The following GNA15 variants were observed in gnomAD, a reference collection of about 807,000 sequenced individuals.
GNA15 encodes the protein guanine nucleotide-binding protein subunit alpha-15.
A neutral mutation model predicts 40.1 loss-of-function variants in GNA15; 23 were observed. That is an observed-to-expected ratio of 0.57 (90% confidence interval 0.41 to 0.81). GNA15 has a LOEUF of 0.81. Ranked by LOEUF, GNA15 falls within the 40% of genes least tolerant of loss-of-function variation. The pLI is 0.00. For missense variants in GNA15, 522 were observed against 515.8 expected, an observed-to-expected ratio of 1.01 and a Z score of -0.12; for synonymous variants, 226 against 210.4, an observed-to-expected ratio of 1.07 and a Z score of -0.64.
intron 4 of GNA15, among the ~76,000 whole-genome samples, chr19:3,152,195 G>A (rs552719325): frequency 6.6e-6 from 1 of 152,174 alleles, no homozygotes; most frequent in Non-Finnish European, 1.5e-5. Context: ...GGGAGGCCTG[G>A]TCTGGGGAGC....
At chr19:3,148,446 T>G in intron 1 of GNA15, 145 bp from the exon 2 acceptor site, 1 of 728,952 alleles carries the variant, frequency 1.4e-6, no homozygotes. Flanking sequence ...GCCGCTAGCC[T>G]AGGGTCACTG....
intron 1 of GNA15, among the ~76,000 whole-genome samples, chr19:3,143,985 A>G (rs1023078139): frequency 7.2e-5 from 11 of 152,080 alleles, no homozygotes; most frequent in South Asian, 4.2e-4. Flanking sequence ...TTAGCTGGGC[A>G]TGGTGGTGGG....
rs1297715098 is a variant in GNA15 at position 3,148,598 on chromosome 19, C to A, written c.153C>A (p.Gly51=). The A allele has an allele frequency of 1.3e-6, 2 of 1,575,256 alleles. No individual in the cohort carries two copies. The highest frequency in any genetic ancestry group is 1.7e-6 in the Non-Finnish European group (2 of 1,160,210). The change falls in exon 2 of 7, where the codon GGC becomes GGA. Residue 51 remains glycine (G), a synonymous_variant. Coordinates refer to ENST00000262958, the MANE Select transcript of GNA15 (RefSeq NM_002068.4). The stretch of plus-strand genomic sequence containing the variant: ...CTGCTGCTCCATCCCCAGGCCCAGG[C>A]GAGAGCGGGAAGAGCACCTTCATCA... ...GELKLLLLGP[G]ESGKSTFIKQ... is the part of the protein sequence containing the mutation.
Position 3,151,925 on chromosome 19 carries a change from A to G in GNA15, c.614+90A>G. 1.0e-6 allele frequency: 1 copy of G among 956,174 alleles called. No homozygotes were observed. The highest frequency in any genetic ancestry group is 1.5e-6 in the Non-Finnish European group (1 of 655,268). The allele number at this position is 956,174 out of a possible 1,614,324, so 59.2% of individuals were successfully genotyped here. ...GCTGGGGCCCTGAGGGATGAGTAGG[A>G]GTTTCTTAGGCCCAGCCTTCAAGGA... On this transcript the variant is annotated intron_variant, in intron 4 of 6. Transcript: ENST00000262958. The surrounding 1 kb of genome is among the most constrained non-coding windows in gnomAD (Gnocchi z 5.0).
chr19:3,158,472 G>T (rs1490570532), intron 6 of GNA15, among the ~76,000 whole-genome samples: 1 of 151,970 alleles, frequency 6.6e-6, no homozygotes, highest in Non-Finnish European at 1.5e-5. Flanking sequence ...TTTTATGCTT[G>T]TTGGCCAACA....
At chr19:3,145,835 A>T (rs1226272594) in intron 1 of GNA15, among the ~76,000 whole-genome samples, 1 of 151,400 alleles carries the variant, frequency 6.6e-6, no homozygotes, top group African/African-American at 2.4e-5. Context: ...GGCGTGAGCC[A>T]CTGTGCCCAG....
chr19:3,144,271 G>C (rs1403140285), intron 1 of GNA15, among the ~76,000 whole-genome samples: 2 of 152,048 alleles, frequency 1.3e-5, no homozygotes, highest in Non-Finnish European at 2.9e-5. Context: ...AATAGCCAAA[G>C]CTCCAAAAAC....
At chr19:3,152,019 C>T (rs563204128) in intron 4 of GNA15, among the ~76,000 whole-genome samples, 184 bp downstream of exon 4, 1 of 152,154 alleles carries the variant, frequency 6.6e-6, no homozygotes, top group Non-Finnish European at 1.5e-5. Context: ...AGGACTGGGA[C>T]CTGTAGGAGC....
Position 3,148,724 on chromosome 19 carries a change from G to A in GNA15, c.279G>A (p.Met93Ile). ...YQNIFVSMRA[M>I]IEAMERLQIP... The stretch of plus-strand genomic sequence containing the variant: ...ACATCTTCGTGTCCATGCGGGCCAT[G>A]ATCGAGGCCATGGAGCGGCTGCAGA... The change falls in exon 2 of 7, where the codon ATG becomes ATA. Residue 93 changes from methionine to isoleucine, a missense_variant. Transcript: ENST00000262958. The A allele has an allele frequency of 6.2e-7, 1 of 1,603,996 alleles. No homozygotes were observed. Among genetic ancestry groups the A allele is most frequent in the Non-Finnish European group, 8.5e-7 (1 of 1,175,728 alleles).
intron 1 of GNA15, among the ~76,000 whole-genome samples, chr19:3,138,026 C>T (rs369359089): frequency 2.0e-5 from 3 of 152,054 alleles, no homozygotes; most frequent in South Asian, 2.1e-4. Flanking sequence ...CACTTTGGGA[C>T]GCCAAGGCGG....
At chr19:3,148,908 C>CTGGGGACCCTT in intron 2 of GNA15, 133 bp downstream of exon 2, 1 of 854,802 alleles carries the variant, frequency 1.2e-6, no homozygotes, top group Non-Finnish European at 1.8e-6. Flanking sequence ...AGGGAAGGGT[C>CTGGGGACCCTT]CCCAGACCCT....
chr19:3,157,953 C>T (rs1915068718), intron 6 of GNA15, 72 bp downstream of exon 6: 1 of 1,240,772 alleles, frequency 8.1e-7, no homozygotes, highest in African/African-American at 1.5e-5. Context: ...CTAATCCAGA[C>T]TCTACTTCAG....
intron 1 of GNA15, among the ~76,000 whole-genome samples, chr19:3,144,299 T>C (rs1914647019): frequency 6.6e-6 from 1 of 152,056 alleles, no homozygotes; most frequent in Non-Finnish European, 1.5e-5. Context: ...TCCCCCATAG[T>C]GTCTCCATGA....
chr19:3,155,913 G>A lies in GNA15; in HGVS notation c.705G>A (p.Leu235=). 5 of 1,613,918 alleles carry A rather than the reference G, an allele frequency of 3.1e-6. No homozygotes were observed. Among genetic ancestry groups the A allele is most frequent in the Non-Finnish European group, 4.2e-6 (5 of 1,179,844 alleles). The change falls in exon 5 of 7, where the codon CTG becomes CTA. Residue 235 remains leucine, a synonymous_variant. Transcript: ENST00000262958. The surrounding 1 kb of genome is among the most constrained non-coding windows in gnomAD (Gnocchi z 5.6). ...NVIALIYLAS[L]SEYDQCLEEN... is the part of the protein sequence containing the mutation. ...TCGCCCTCATCTACCTGGCCTCACT[G>A]AGTGAATACGACCAGTGCCTGGAGG...
intron 2 of GNA15, chr19:3,149,495 C>T (rs1301945185): frequency 1.3e-5 from 2 of 155,892 alleles, no homozygotes; most frequent in African/African-American, 4.8e-5. Context: ...CATGCGCGTG[C>T]CCCACACACA....
At chr19:3,156,878 T>C (rs1915042239) in intron 5 of GNA15, among the ~76,000 whole-genome samples, 1 of 152,158 alleles carries the variant, frequency 6.6e-6, no homozygotes, top group Non-Finnish European at 1.5e-5. Flanking sequence ...GGTTAATTCC[T>C]CGTGTGATGG....
chr19:3,163,284 T>G lies in GNA15; in HGVS notation c.*265T>G. On this transcript the variant is annotated 3_prime_UTR_variant, in exon 7 of 7. Transcript: ENST00000262958. ...CGGCCATTTGGGATGCCAGGGTGGATGAAAAGGTGAAGAAATCAGGGGATT... is the reference window on the plus strand; with the variant it reads ...CGGCCATTTGGGATGCCAGGGTGGAGGAAAAGGTGAAGAAATCAGGGGATT... 3.9e-6 allele frequency: 2 copies of G among 507,594 alleles called. No homozygotes were observed. Among genetic ancestry groups the G allele is most frequent in the Admixed American group, 3.3e-5 (1 of 30,132 alleles). The allele number at this position is 507,594 out of a possible 1,614,324, so 31.4% of individuals were successfully genotyped here. A position where few individuals can be genotyped will look rare whatever the true frequency, so the allele number is the denominator to read the frequency against.
intron 1 of GNA15, among the ~76,000 whole-genome samples, chr19:3,145,352 TATATA>T (rs1347715357): frequency 8.4e-5 from 3 of 35,770 alleles, no homozygotes; most frequent in Non-Finnish European, 1.1e-4. Context: ...TATATATATA[TATATA>T]TATTTTTTTT....
Position 3,162,981 on chromosome 19 carries a change from G to C in GNA15, c.1087G>C (p.Val363Leu), listed in dbSNP as rs1482702897. 6.2e-7 allele frequency: 1 copy of C among 1,613,898 alleles called. No individual in the cohort carries two copies. The highest frequency in any genetic ancestry group is 1.7e-5 in the Admixed American group (1 of 60,000). The stretch of plus-strand genomic sequence containing the variant: ...GGTCTTCAAGGACGTGCGGGACTCG[G>C]TGCTCGCCCGCTACCTGGACGAGAT... The part of the protein sequence containing the change: ...RKVFKDVRDS[V>L]LARYLDEINL... Residue 363 changes from valine (V) to leucine (L), a missense_variant, in exon 7 of 7, where the codon GTG (valine) becomes CTG (leucine). Coordinates refer to ENST00000262958, the MANE Select transcript of GNA15 (RefSeq NM_002068.4).
Sources: allele counts gnomAD v4.1 joint callset (sites outside exome capture counted in the v4.1 genomes callset), GRCh38; gene constraint gnomAD v4.1.1; non-coding constraint Gnocchi (gnomAD v3.1); transcripts MANE v1.5; gene names NCBI Gene and HGNC (gene_info 2026-07-23, HGNC 2026-07-21).